The following SNX29 variants were observed in gnomAD, a reference collection of about 807,000 sequenced individuals.
SNX29 encodes sorting nexin-29.
SNX29 carries 78 observed loss-of-function variants against 102.1 expected under a neutral mutation model. That is an observed-to-expected ratio of 0.76 (90% CI 0.64 to 0.92). SNX29 has a LOEUF of 0.92. Among genes scored for constraint, SNX29 ranks in the 40% least tolerant of loss-of-function variants. The probability of loss-of-function intolerance (pLI) is 0.00; values close to 1 mark genes in which losing one functional copy is unlikely to be tolerated. For synonymous variants in SNX29, 580 were observed against 414.5 expected, an observed-to-expected ratio of 1.40 and a Z score of -4.85; for missense variants, 1,280 against 1,061.7, an observed-to-expected ratio of 1.21 and a Z score of -2.86.
At chr16:12,469,505 A>T (rs117604171) in intron 18 of SNX29, among the ~76,000 whole-genome samples, 1 of 152,310 alleles carries the variant, frequency 6.6e-6, no homozygotes, top group South Asian at 2.1e-4. Context: ...TCCTCATGTC[A>T]TCTGATTCTC....
intron 20 of SNX29, among the ~76,000 whole-genome samples, chr16:12,551,214 C>G (rs530974585): frequency 4.0e-5 from 6 of 148,992 alleles, no homozygotes; most frequent in South Asian, 2.1e-4. Flanking sequence ...ACACACTGCA[C>G]TCAGATTTGC....
rs1395489559 is a variant in SNX29 at position 12,028,460 on chromosome 16, C to A, written c.247+1016C>A. ...CTCACCAAAGCCTGGAACTACTAGGCTCAAGTGATCCCCTTGCCTGAGCCT... is the reference window on the plus strand; with the variant it reads ...CTCACCAAAGCCTGGAACTACTAGGATCAAGTGATCCCCTTGCCTGAGCCT... On this transcript the variant is annotated intron_variant, in intron 4 of 20. Transcript: ENST00000566228. 2.0e-5 allele frequency among the ~76,000 whole-genome samples: 3 copies of A among 151,996 alleles called. No individual in the cohort carries two copies. In the East Asian group the frequency reaches 5.8e-4, roughly 29 times the overall value.
At chr16:12,378,216 G>A (rs978994206) in intron 16 of SNX29, among the ~76,000 whole-genome samples, 2 of 152,178 alleles carry the variant, frequency 1.3e-5, no homozygotes, top group African/African-American at 4.8e-5. Context: ...TCAAGATTGG[G>A]TATCTGCATC....
At chr16:12,407,930 C>T (rs959500490) in intron 18 of SNX29, among the ~76,000 whole-genome samples, 11 of 152,100 alleles carry the variant, frequency 7.2e-5, no homozygotes, top group African/African-American at 1.7e-4. Flanking sequence ...CAGGGAGCTA[C>T]GATTGCATCT....
intron 3 of SNX29, among the ~76,000 whole-genome samples, chr16:12,006,517 A>G (rs922068844): frequency 5.1e-5 from 7 of 138,602 alleles, no homozygotes; most frequent in African/African-American, 1.1e-4. Context: ...ACTGTCTCAG[A>G]AAAAAAAAAA....
At chr16:12,154,031 G>T (rs74905001) in intron 13 of SNX29, among the ~76,000 whole-genome samples, 290 of 152,284 alleles carry the variant, frequency 1.9e-3, no homozygotes, top group African/African-American at 6.6e-3. Context: ...AAAGCATTAA[G>T]AACAATTAGA....
intron 20 of SNX29, among the ~76,000 whole-genome samples, chr16:12,558,079 C>T (rs1335843878): frequency 1.3e-5 from 2 of 152,200 alleles, no homozygotes; most frequent in African/African-American, 4.8e-5. Context: ...CTCTGAACAT[C>T]CCATGCAAAG....
chr16:12,378,315 G>C (rs757172203), intron 16 of SNX29, among the ~76,000 whole-genome samples: 1 of 152,166 alleles, frequency 6.6e-6, no homozygotes, highest in African/African-American at 2.4e-5. Flanking sequence ...AAGCAAGAGA[G>C]TGGGGAGGTG....
At chr16:12,517,255 C>T (rs1441111408) in intron 19 of SNX29, among the ~76,000 whole-genome samples, 1 of 152,136 alleles carries the variant, frequency 6.6e-6, no homozygotes, top group Non-Finnish European at 1.5e-5. Context: ...TGGCTGCCAC[C>T]CTAGGAGCCC....
intron 13 of SNX29, among the ~76,000 whole-genome samples, chr16:12,165,226 G>A (rs73521803): frequency 0.02 from 3,020 of 152,344 alleles, 105 homozygotes; most frequent in African/African-American, 0.068. Context: ...TGTTGCTCAT[G>A]TGTTTCCTGC....
intron 11 of SNX29, among the ~76,000 whole-genome samples, chr16:12,108,812 A>G (rs984041024): frequency 6.6e-5 from 10 of 152,126 alleles, no homozygotes; most frequent in Non-Finnish European, 1.5e-4. Context: ...TGCTTATAAC[A>G]GAGTACTTGA....
At chr16:12,043,865 G>A (rs915609758) in intron 5 of SNX29, among the ~76,000 whole-genome samples, 3 of 152,076 alleles carry the variant, frequency 2.0e-5, no homozygotes, top group African/African-American at 7.2e-5. Flanking sequence ...CGATTCTCCT[G>A]CCTCAGCCTC....
intron 15 of SNX29, among the ~76,000 whole-genome samples, chr16:12,302,561 G>A (rs75238740): frequency 0.041 from 6,167 of 152,194 alleles, 224 homozygotes; most frequent in African/African-American, 0.091. Flanking sequence ...TGGAAGGACA[G>A]GGGGTCTCTG....
At chr16:12,172,739 CAG>C (rs2076176749) in intron 13 of SNX29, among the ~76,000 whole-genome samples, 1 of 152,096 alleles carries the variant, frequency 6.6e-6, no homozygotes, top group African/African-American at 2.4e-5. Flanking sequence ...ATAGGAAGGA[CAG>C]ATGATCATGC....
At chr16:12,010,312 C>T (rs999214950) in intron 3 of SNX29, among the ~76,000 whole-genome samples, 1 of 152,158 alleles carries the variant, frequency 6.6e-6, no homozygotes. Flanking sequence ...TTCAGGTATT[C>T]ATCTGCATTT....
At chr16:12,270,284 C>T (rs939309390) in intron 14 of SNX29, among the ~76,000 whole-genome samples, 2 of 152,192 alleles carry the variant, frequency 1.3e-5, no homozygotes, top group African/African-American at 4.8e-5. Flanking sequence ...AGAATTCAGT[C>T]ACAATTGATT....
chr16:12,124,514 T>G (rs1293153625), intron 11 of SNX29, among the ~76,000 whole-genome samples: 1 of 152,062 alleles, frequency 6.6e-6, no homozygotes, highest in Non-Finnish European at 1.5e-5. Flanking sequence ...CTTAGCGGAG[T>G]TGGTCTTTTG....
At chr16:12,333,313 G>T (rs766692321) in intron 15 of SNX29, among the ~76,000 whole-genome samples, 1 of 151,810 alleles carries the variant, frequency 6.6e-6, no homozygotes, top group African/African-American at 2.4e-5. Context: ...CACCATATTG[G>T]TCAGGCTCGT....
At chr16:12,012,125 C>T (rs11641950) in intron 3 of SNX29, among the ~76,000 whole-genome samples, 62,253 of 151,956 alleles carry the variant, frequency 0.41, 13,536 homozygotes, top group Non-Finnish European at 0.48. Context: ...AAATTCAAAA[C>T]TGAATCTGGG....
Sources: allele counts gnomAD v4.1 joint callset (sites outside exome capture counted in the v4.1 genomes callset), GRCh38; gene constraint gnomAD v4.1.1; transcripts MANE v1.5; gene names NCBI Gene and HGNC (gene_info 2026-07-23, HGNC 2026-07-21).